The following NMNAT3 variants were observed in gnomAD, a reference collection of about 807,000 sequenced individuals.
NMNAT3 encodes the protein nicotinamide/nicotinic acid mononucleotide adenylyltransferase 3.
NMNAT3 carries 21 observed loss-of-function variants against 24.8 expected under a neutral mutation model. The observed-to-expected ratio is 0.85, with a 90% confidence interval of 0.60 to 1.22. The LOEUF is 1.22. NMNAT3 is among the 50% of genes most tolerant of loss of function. The pLI is 0.00. For missense variants in NMNAT3, 387 were observed against 436.6 expected, an observed-to-expected ratio of 0.89 and a Z score of 1.01; for synonymous variants, 136 against 155.2, an observed-to-expected ratio of 0.88 and a Z score of 0.92.
chr3:139,569,989 G>A lies in NMNAT3; in HGVS notation c.658+3609C>T, dbSNP rs908166932. ...TCACTTTCAGGCACACCAATCAGAC[G>A]TAGATTTGGTCTTTTCATATAGTCC... On this transcript the variant is annotated intron_variant, in intron 6 of 6. Coordinates refer to ENST00000643695, the MANE Select transcript of NMNAT3 (RefSeq NM_001320510.2). The A allele has an allele frequency of 2.6e-5, 4 of 152,156 alleles. 1 individual carries two copies. The highest frequency in any genetic ancestry group is 5.9e-5 in the Non-Finnish European group (4 of 68,030). 9.4% of individuals were successfully genotyped at this position (152,156 alleles called of 1,614,324 possible).
intron 1 of NMNAT3, among the ~76,000 whole-genome samples, chr3:139,667,314 A>G (rs987111720): frequency 1.3e-5 from 2 of 152,134 alleles, no homozygotes; most frequent in African/African-American, 2.4e-5. Context: ...ATAGGGTGAG[A>G]TAACCTCTCA....
intron 6 of NMNAT3, chr3:139,568,832 G>C (rs1361978936): frequency 6.6e-6 from 1 of 152,206 alleles, no homozygotes; most frequent in African/African-American, 2.4e-5. Flanking sequence ...ATTTCAGGTG[G>C]AGAGTTCTGT....
intron 6 of NMNAT3, among the ~76,000 whole-genome samples, chr3:139,572,796 A>T (rs1480394051): frequency 6.6e-6 from 1 of 152,224 alleles, no homozygotes. Flanking sequence ...ATGCACATGG[A>T]CATAGTAAAG....
chr3:139,595,947 C>A (rs1232106486), intron 3 of NMNAT3, among the ~76,000 whole-genome samples: 1 of 152,108 alleles, frequency 6.6e-6, no homozygotes, highest in African/African-American at 2.4e-5. Context: ...CAACAAAAGC[C>A]AAAATTGACA....
chr3:139,596,759 A>G (rs2054478627), intron 3 of NMNAT3, among the ~76,000 whole-genome samples: 1 of 151,638 alleles, frequency 6.6e-6, no homozygotes, highest in Admixed American at 6.6e-5. Flanking sequence ...GGAGCTGGTC[A>G]TGTTTCCATT....
chr3:139,660,365 A>G (rs2057376043), intron 1 of NMNAT3, among the ~76,000 whole-genome samples: 1 of 152,216 alleles, frequency 6.6e-6, no homozygotes, highest in Non-Finnish European at 1.5e-5. Context: ...TACTCTTGTT[A>G]ATTGAGAATT....
At chr3:139,598,821 G>C (rs2054589124) in intron 3 of NMNAT3, among the ~76,000 whole-genome samples, 2 of 152,172 alleles carry the variant, frequency 1.3e-5, no homozygotes, top group South Asian at 4.1e-4. Context: ...GTAGGCTTGA[G>C]ATTCAAACCC....
At chr3:139,625,707 T>C (rs1442938061) in intron 3 of NMNAT3, among the ~76,000 whole-genome samples, 1 of 152,190 alleles carries the variant, frequency 6.6e-6, no homozygotes, top group African/African-American at 2.4e-5. Flanking sequence ...ATAAGAAATC[T>C]TATATAATTG....
intron 3 of NMNAT3, among the ~76,000 whole-genome samples, chr3:139,622,902 G>A (rs1251613992): frequency 2.7e-5 from 4 of 145,850 alleles, no homozygotes; most frequent in African/African-American, 1.0e-4. Flanking sequence ...ACCATGAATG[G>A]AGCTGCAGGA....
At chr3:139,608,254 T>C (rs1168825998) in intron 3 of NMNAT3, among the ~76,000 whole-genome samples, 1 of 152,224 alleles carries the variant, frequency 6.6e-6, no homozygotes, top group African/African-American at 2.4e-5. Context: ...AGAGACAGCA[T>C]GGCCTGCTCA....
chr3:139,602,528 C>T (rs1295873167), intron 3 of NMNAT3, among the ~76,000 whole-genome samples: 1 of 152,166 alleles, frequency 6.6e-6, no homozygotes, highest in East Asian at 1.9e-4. Context: ...AATGCAAATT[C>T]CAGATTGTAA....
chr3:139,579,880 AT>A (rs887079493), intron 4 of NMNAT3, among the ~76,000 whole-genome samples: 6 of 151,968 alleles, frequency 3.9e-5, no homozygotes, highest in South Asian at 2.1e-4. Flanking sequence ...TGATTGTGTG[AT>A]TTTTTTTCTC....
chr3:139,627,253 G>A (rs2056092861), intron 3 of NMNAT3, among the ~76,000 whole-genome samples: 1 of 152,058 alleles, frequency 6.6e-6, no homozygotes, highest in Non-Finnish European at 1.5e-5. Flanking sequence ...AGAGTATCAG[G>A]AGCTTTCTAA....
chr3:139,572,155 G>T, intron 6 of NMNAT3: 1 of 398,880 alleles, frequency 2.5e-6, no homozygotes, highest in Non-Finnish European at 4.4e-6. Flanking sequence ...GGGGCTGGCT[G>T]TCTCTGTTCT....
chr3:139,645,088 G>A (rs371350871), intron 1 of NMNAT3, among the ~76,000 whole-genome samples: 1 of 152,142 alleles, frequency 6.6e-6, no homozygotes, highest in Non-Finnish European at 1.5e-5. Flanking sequence ...TGTAATCCCA[G>A]CTACTCAGGA....
intron 1 of NMNAT3, among the ~76,000 whole-genome samples, chr3:139,650,290 T>C (rs904030567): frequency 1.4e-4 from 21 of 152,358 alleles, no homozygotes; most frequent in Admixed American, 4.6e-4. Flanking sequence ...ATTACAAATT[T>C]CAGGAAAGAT....
intron 6 of NMNAT3, chr3:139,570,146 G>T (rs1937934752): frequency 6.6e-6 from 1 of 152,074 alleles, no homozygotes; most frequent in African/African-American, 2.4e-5. Context: ...GGCTCCTGAG[G>T]CTTCTACATT....
intron 3 of NMNAT3, among the ~76,000 whole-genome samples, chr3:139,596,136 C>T (rs563210727): frequency 1.4e-4 from 21 of 152,262 alleles, no homozygotes; most frequent in East Asian, 7.7e-4. Context: ...TTTTCTCTGA[C>T]GAGTCAGCCT....
At chr3:139,631,079 A>G (rs564062378) in intron 2 of NMNAT3, among the ~76,000 whole-genome samples, 14 of 152,176 alleles carry the variant, frequency 9.2e-5, no homozygotes, top group Non-Finnish European at 2.1e-4. Context: ...ATGAAGTGTG[A>G]TGCTGAGAAG....
Sources: allele counts gnomAD v4.1 joint callset (sites outside exome capture counted in the v4.1 genomes callset), GRCh38; gene constraint gnomAD v4.1.1; transcripts MANE v1.5; gene names NCBI Gene and HGNC (gene_info 2026-07-23, HGNC 2026-07-21).